The following PPP2R2D variants were observed in gnomAD, a reference collection of about 807,000 sequenced individuals.
PPP2R2D encodes the protein protein phosphatase 2 regulatory subunit Bdelta, also known as serine/threonine-protein phosphatase 2A 55 kDa regulatory subunit B delta isoform.
PPP2R2D carries 9 observed loss-of-function variants against 31.1 expected under a neutral mutation model. The observed-to-expected ratio is 0.29, with a 90% CI of 0.17 to 0.51. The LOEUF is 0.51. PPP2R2D is among the 20% of genes least tolerant of loss of function. PPP2R2D has a pLI of 0.98. For synonymous variants in PPP2R2D, 179 were observed against 172.6 expected (o/e 1.04, Z -0.29); for missense variants, 391 against 465.6 (o/e 0.84, Z 1.48).
chr10:131,928,442 A>G (rs1008451130), intron 2 of PPP2R2D, among the ~76,000 whole-genome samples: 2 of 152,242 alleles, frequency 1.3e-5, no homozygotes, highest in Non-Finnish European at 2.9e-5. Context: ...TTGTTTTGAC[A>G]ATGACTCAGT....
At position 131,932,668 on chromosome 10, in the gene PPP2R2D, A is replaced by AAAAAAAAAAAAC. The variant is rs1564817994; in HGVS notation, c.101-1790_101-1789insAAAAAAAAAAAC. 2.5e-4 allele frequency among the ~76,000 whole-genome samples: 32 copies of AAAAAAAAAAAAC among 126,548 alleles called. No individual in the cohort carries two copies. In the South Asian group the frequency reaches 6.1e-3, roughly 24 times the overall value. 83.0% of individuals were successfully genotyped at this position (126,548 alleles called of 152,430 possible). On this transcript the variant is annotated intron_variant, in intron 2 of 8. Coordinates refer to ENST00000455566, the MANE Select transcript of PPP2R2D (RefSeq NM_018461.5). ...TCTCAAAAAAAAAAAAAAAAAAAAA[A>AAAAAAAAAAAAC]CACACAAAAAAAACCTAACTTGGTG...
intron 2 of PPP2R2D, among the ~76,000 whole-genome samples, chr10:131,924,315 T>G (rs2036056951): frequency 6.6e-6 from 1 of 152,166 alleles, no homozygotes; most frequent in South Asian, 2.1e-4. Context: ...TAATTATATA[T>G]AGAATTTATG....
At chr10:131,929,402 G>T (rs1356450111) in intron 2 of PPP2R2D, among the ~76,000 whole-genome samples, 1 of 152,220 alleles carries the variant, frequency 6.6e-6, no homozygotes, top group African/African-American at 2.4e-5. Flanking sequence ...CACCCACGCA[G>T]TGCTTGGTTT....
At chr10:131,913,672 C>A (rs2035721958) in intron 2 of PPP2R2D, among the ~76,000 whole-genome samples, 1 of 152,144 alleles carries the variant, frequency 6.6e-6, no homozygotes, top group African/African-American at 2.4e-5. Flanking sequence ...GGCATGCGAG[C>A]ATCTGAGAGT....
chr10:131,930,362 C>T (rs1266746565), intron 2 of PPP2R2D, among the ~76,000 whole-genome samples: 4 of 152,364 alleles, frequency 2.6e-5, no homozygotes, highest in African/African-American at 7.2e-5. Context: ...GGCTCATGTC[C>T]TGAGATTCTC....
rs782240954 is a variant in PPP2R2D, at chr10:131,945,561, G to T, written c.820+102G>T. 1.2e-4 allele frequency: 165 copies of T among 1,387,240 alleles called. No individual in the cohort carries two copies. The highest frequency in any genetic ancestry group is 1.4e-4 in the Non-Finnish European group (149 of 1,030,584). The allele number at this position is 1,387,240 out of a possible 1,614,324, so 85.9% of individuals were successfully genotyped here. On this transcript the variant is annotated intron_variant, in intron 7 of 8. Coordinates refer to ENST00000455566, the MANE Select transcript of PPP2R2D (RefSeq NM_018461.5). This position sits in a 1 kb window ranked among gnomAD's most constrained non-coding sequence, Gnocchi z 4.8. ...GGCAAGCTCCGCCTCCCGGGTTCCAGCAAGTCTTCTGCCTCGGCCTCCCGA... is the reference window on the plus strand; with the variant it reads ...GGCAAGCTCCGCCTCCCGGGTTCCATCAAGTCTTCTGCCTCGGCCTCCCGA...
chr10:131,953,300 G>A (rs35871750), intron 8 of PPP2R2D, among the ~76,000 whole-genome samples: 13,718 of 108,678 alleles, frequency 0.13, 940 homozygotes, highest in African/African-American at 0.16. Context: ...GGGGTTCACT[G>A]TCTTAGTGAC....
rs1383549844 is a variant in PPP2R2D at position 131,939,619 on chromosome 10, C to T, written c.199-412C>T. ...CAGGCTGCGTTTGGCAGACCTGCTT[C>T]AGAAAATACGGCAGGCTGCATTCAG... On this transcript the variant is annotated intron_variant, in intron 3 of 8. Coordinates refer to ENST00000455566, the MANE Select transcript of PPP2R2D (RefSeq NM_018461.5). Among the ~76,000 whole-genome samples the T allele has an allele frequency of 4.6e-5, 7 of 150,898 alleles. 1 individual carries two copies. The highest frequency in any genetic ancestry group is 8.8e-5 in the Non-Finnish European group (6 of 67,880).
chr10:131,946,514 TTGAG>T (rs1262591660), intron 7 of PPP2R2D, among the ~76,000 whole-genome samples: 2 of 152,056 alleles, frequency 1.3e-5, no homozygotes, highest in Non-Finnish European at 2.9e-5. Flanking sequence ...TTTCCTGAGG[TTGAG>T]TGTGTTTTTA....
chr10:131,918,093 T>C (rs1441164973), intron 2 of PPP2R2D, among the ~76,000 whole-genome samples: 1 of 138,460 alleles, frequency 7.2e-6, no homozygotes, highest in South Asian at 2.3e-4. Flanking sequence ...ACACAGTGTT[T>C]GTAGGGACCT....
At chr10:131,967,405 T>C in the PPP2R2D span, 1 of 152,194 alleles carries the variant, frequency 6.6e-6, no homozygotes, top group Non-Finnish European at 1.5e-5. Flanking sequence ...TATTCTGAAG[T>C]TAAATTATAT....
Position 131,956,329 on chromosome 10 carries a change from T to C in PPP2R2D, c.*366T>C. On this transcript the variant is annotated 3_prime_UTR_variant, in exon 9 of 9. Transcript: ENST00000455566. Reference sequence around the variant, plus strand: ...TCAGATACCGCTCTTTCTCCAACTTTCCCTCTTTCTCTGCCATCACACTTG... The same window carrying C: ...TCAGATACCGCTCTTTCTCCAACTTCCCCTCTTTCTCTGCCATCACACTTG... 3.0e-6 allele frequency: 3 copies of C among 992,126 alleles called. No homozygotes were observed. Among genetic ancestry groups the C allele is most frequent in the South Asian group, 4.7e-5 (1 of 21,338 alleles). 61.5% of individuals were successfully genotyped at this position (992,126 alleles called of 1,614,324 possible).
the PPP2R2D span, chr10:131,969,281 A>C: frequency 4.6e-5 from 7 of 152,416 alleles, no homozygotes; most frequent in African/African-American, 9.7e-5. Context: ...GGCAGGACGA[A>C]GGACAGTAGC....
chr10:131,931,450 C>T (rs966587013), intron 2 of PPP2R2D, among the ~76,000 whole-genome samples: 15 of 152,182 alleles, frequency 9.9e-5, no homozygotes, highest in African/African-American at 3.6e-4. Context: ...CTGGTTCAAG[C>T]GATTCTCCTG....
intron 2 of PPP2R2D, among the ~76,000 whole-genome samples, chr10:131,907,774 T>TCATGCTTAGTA (rs2035621177): frequency 6.6e-6 from 1 of 151,664 alleles, no homozygotes; most frequent in Admixed American, 6.6e-5. Flanking sequence ...CACAGACTCA[T>TCATGCTTAGTA]CATGCTTAGT....
intron 3 of PPP2R2D, among the ~76,000 whole-genome samples, chr10:131,938,449 C>A (rs1294679685): frequency 6.6e-6 from 1 of 152,190 alleles, no homozygotes; most frequent in African/African-American, 2.4e-5. Context: ...TGCAAACCCA[C>A]CACCCAGAGG....
chr10:131,937,482 G>A (rs1247499256), intron 3 of PPP2R2D, among the ~76,000 whole-genome samples: 1 of 151,516 alleles, frequency 6.6e-6, no homozygotes, highest in Non-Finnish European at 1.5e-5. Flanking sequence ...TCCCCATGAG[G>A]CTTCCTTTAG....
intron 2 of PPP2R2D, among the ~76,000 whole-genome samples, chr10:131,907,674 C>T (rs2035617816): frequency 1.3e-5 from 2 of 150,676 alleles, no homozygotes; most frequent in Non-Finnish European, 1.5e-5. Context: ...ACCCAGGAGG[C>T]GGAGCTTGCA....
intron 2 of PPP2R2D, among the ~76,000 whole-genome samples, chr10:131,915,039 AT>A (rs1248430102): frequency 3.3e-5 from 5 of 151,920 alleles, no homozygotes; most frequent in African/African-American, 1.2e-4. Context: ...GTTTTCTGGA[AT>A]TTTAATGGTT....
Sources: gnomAD v4.1 joint callset for allele counts (sites outside exome capture counted in the v4.1 genomes callset) on GRCh38, gnomAD v4.1.1 for gene constraint, Gnocchi (gnomAD v3.1) non-coding constraint, MANE v1.5 for transcripts, NCBI Gene and HGNC (gene_info 2026-07-23, HGNC 2026-07-21) for gene names.